WFDC9: variants seen among roughly 807,000 people sequenced by gnomAD.
WFDC9 encodes the protein protein WFDC9.
In WFDC9, 9 loss-of-function variants were observed where a neutral mutation model predicts 9.5. The observed-to-expected ratio is 0.95, with a 90% CI of 0.57 to 1.65. The LOEUF (loss-of-function observed/expected upper bound fraction) is 1.65, where lower values mean the gene tolerates loss of function less well. WFDC9 is among the 40% of genes most tolerant of loss of function. The pLI is 0.00. For synonymous variants in WFDC9, 33 were observed against 32.3 expected, an observed-to-expected ratio of 1.02 and a Z score of -0.07; for missense variants, 87 against 106.7, an observed-to-expected ratio of 0.82 and a Z score of 0.81.
In WFDC9 at chr20:45,610,101, G is replaced by T. The variant is rs1165488651; in HGVS notation, c.81C>A (p.Asn27Lys). The T allele has an allele frequency of 6.2e-7, 1 of 1,613,984 alleles. No homozygotes were observed. The highest frequency in any genetic ancestry group is 1.7e-5 in the Admixed American group (1 of 60,018). ...MLLPVLGSFW[N>K]KDPFLDMIRE... ...TTTCACACCACCCACAGGGATCTTT[G>T]TTCCAGAAGCTTCCCAGCACAGGCA... Residue 27 changes from asparagine to lysine, a missense_variant, in exon 3 of 5, where the codon AAC becomes AAA. Coordinates refer to ENST00000326000, the MANE Select transcript of WFDC9 (RefSeq NM_147198.4).
intron 2 of WFDC9, among the ~76,000 whole-genome samples, chr20:45,611,537 G>A (rs377603762): frequency 6.6e-5 from 10 of 152,066 alleles, no homozygotes; most frequent in Middle Eastern, 3.4e-3. Context: ...ATACAGGGGA[G>A]GCAAAAATAT....
In WFDC9 at chr20:45,610,062, A is replaced by T. The variant is rs762360410; in HGVS notation, c.91+29T>A. 2.5e-5 allele frequency: 39 copies of T among 1,587,838 alleles called. No homozygotes were observed. The Admixed American group carries it at 6.5e-4, about 26-fold the overall frequency. On this transcript the variant is annotated intron_variant, in intron 3 of 4. Coordinates refer to ENST00000326000, the MANE Select transcript of WFDC9 (RefSeq NM_147198.4). Reference sequence around the variant, plus strand: ...CAATAGACATCCCAGGACTGGGCAGAGCACCCCGTCCCTTTTCACACCACC... The same window carrying T: ...CAATAGACATCCCAGGACTGGGCAGTGCACCCCGTCCCTTTTCACACCACC...
chr20:45,609,752 G>T (rs1981819707), intron 3 of WFDC9, among the ~76,000 whole-genome samples: 1 of 152,036 alleles, frequency 6.6e-6, no homozygotes, highest in Non-Finnish European at 1.5e-5. Flanking sequence ...TTCATCAAAG[G>T]CTCACCCAAC....
At chr20:45,618,829 A>G (rs191500557) in intron 1 of WFDC9, among the ~76,000 whole-genome samples, 44 of 152,384 alleles carry the variant, frequency 2.9e-4, no homozygotes, top group African/African-American at 9.6e-4. Context: ...ACACAAAGAC[A>G]TAAGTGAGAA....
At chr20:45,630,039 T>C in intron 1 of WFDC9, 1 of 1,278,928 alleles carries the variant, frequency 7.8e-7, no homozygotes. Flanking sequence ...GTGTAGACTC[T>C]GGACTGTCCC....
intron 1 of WFDC9, among the ~76,000 whole-genome samples, chr20:45,615,957 G>C (rs1313654925): frequency 6.6e-6 from 1 of 152,192 alleles, no homozygotes; most frequent in Non-Finnish European, 1.5e-5. Flanking sequence ...TCATCTTTTT[G>C]CTGGTGGAGG....
intron 1 of WFDC9, among the ~76,000 whole-genome samples, chr20:45,627,197 T>A (rs192287558): frequency 6.6e-6 from 1 of 152,304 alleles, no homozygotes; most frequent in Non-Finnish European, 1.5e-5. Flanking sequence ...ATCTTTTTGA[T>A]GTGTTGTTGA....
intron 3 of WFDC9, among the ~76,000 whole-genome samples, chr20:45,609,884 C>T (rs1339809462): frequency 8.5e-5 from 13 of 152,256 alleles, no homozygotes; most frequent in African/African-American, 2.9e-4. Flanking sequence ...ACAAAAGATA[C>T]GTTCCCTTTT....
At chr20:45,630,438 C>G (rs1412941217) in intron 1 of WFDC9, among the ~76,000 whole-genome samples, 1 of 152,006 alleles carries the variant, frequency 6.6e-6, no homozygotes, top group African/African-American at 2.4e-5. Context: ...TGACAGTGAG[C>G]AGAAGAGAGG....
intron 4 of WFDC9, 36 bp from the exon 5 acceptor site, chr20:45,608,176 T>C (rs753185362): frequency 6.3e-7 from 1 of 1,598,984 alleles, no homozygotes; most frequent in South Asian, 1.1e-5. Flanking sequence ...TCAAGAATCC[T>C]GGGATAAATC....
At chr20:45,608,236 A>T (rs1257832574) in intron 4 of WFDC9, 96 bp from the exon 5 acceptor site, 1 of 1,367,192 alleles carries the variant, frequency 7.3e-7, no homozygotes, top group African/African-American at 1.5e-5. Flanking sequence ...AAGGACAGCA[A>T]TTCTTCTGCT....
At chr20:45,619,222 G>T (rs1431604858) in intron 1 of WFDC9, among the ~76,000 whole-genome samples, 1 of 152,142 alleles carries the variant, frequency 6.6e-6, no homozygotes, top group Non-Finnish European at 1.5e-5. Flanking sequence ...ATAGTCTTTT[G>T]CTCTGTGTGG....
At chr20:45,622,178 T>C (rs935149082) in intron 1 of WFDC9, among the ~76,000 whole-genome samples, 11 of 152,218 alleles carry the variant, frequency 7.2e-5, no homozygotes, top group Non-Finnish European at 1.6e-4. Context: ...TTAAACATCT[T>C]GAAAATGCTA....
intron 1 of WFDC9, among the ~76,000 whole-genome samples, chr20:45,627,676 T>C (rs1435684979): frequency 6.6e-6 from 1 of 152,214 alleles, no homozygotes; most frequent in Non-Finnish European, 1.5e-5. Flanking sequence ...TTCCATGCCC[T>C]CCATGAGCAT....
intron 1 of WFDC9, 155 bp downstream of exon 1, chr20:45,631,048 G>T: frequency 6.4e-7 from 1 of 1,563,616 alleles, no homozygotes. Flanking sequence ...TGTGCATCCT[G>T]CTTCCCAACT....
At chr20:45,610,914 C>T (rs1036500725) in intron 2 of WFDC9, among the ~76,000 whole-genome samples, 5 of 152,284 alleles carry the variant, frequency 3.3e-5, no homozygotes, top group Middle Eastern at 3.4e-3. Context: ...TTTATGAATA[C>T]GACTCATTGA....
At chr20:45,612,969 C>T (rs1981894460) in intron 2 of WFDC9, among the ~76,000 whole-genome samples, 1 of 152,190 alleles carries the variant, frequency 6.6e-6, no homozygotes, top group Non-Finnish European at 1.5e-5. Flanking sequence ...ATGAACAAGG[C>T]AGTGATTTTC....
intron 1 of WFDC9, among the ~76,000 whole-genome samples, chr20:45,615,853 T>C (rs1333415660): frequency 1.3e-5 from 2 of 152,232 alleles, no homozygotes; most frequent in African/African-American, 4.8e-5. Context: ...AAGTGTTCAA[T>C]AGCATTATGT....
In WFDC9 at chr20:45,612,765, A is replaced by G. The variant is rs115821673; in HGVS notation, c.-59+1863T>C. 7.1e-3 allele frequency among the ~76,000 whole-genome samples: 1,081 copies of G among 152,322 alleles called. 18 individuals carry two copies. Among genetic ancestry groups the G allele is most frequent in the African/African-American group, 0.025 (1,046 of 41,562 alleles). The stretch of plus-strand genomic sequence containing the variant: ...ATTATTTTCAAGTGTTTAAGCCACT[A>G]TAATTAGAAAAGAGAAAAATTTGAA... On this transcript the variant is annotated intron_variant, in intron 2 of 4. Transcript: ENST00000326000.
Sources: gnomAD v4.1 joint callset for allele counts (sites outside exome capture counted in the v4.1 genomes callset) on GRCh38, gnomAD v4.1.1 for gene constraint, MANE v1.5 for transcripts, NCBI Gene and HGNC (gene_info 2026-07-23, HGNC 2026-07-21) for gene names.